The following INTS11 variants were observed in gnomAD, a reference collection of about 807,000 sequenced individuals.
The protein encoded by INTS11 is integrator complex subunit 11.
A neutral mutation model predicts 78.6 loss-of-function variants in INTS11; 77 were observed. The observed-to-expected ratio is 0.98, with a 90% CI of 0.81 to 1.18. The LOEUF is 1.18. Ranked by LOEUF, INTS11 falls within the 50% of genes most tolerant of loss-of-function variation. The pLI is 0.00. For synonymous variants in INTS11, 441 were observed against 326.9 expected (o/e 1.35, Z -3.77); for missense variants, 875 against 825.9 (o/e 1.06, Z -0.73).
chr1:1,312,639 G>A lies in INTS11; in HGVS notation c.1356C>T (p.Ile452=), dbSNP rs368882410. Residue 452 remains isoleucine (I), a synonymous_variant, in exon 13 of 17, where the codon ATC becomes ATT. Transcript: ENST00000435064. ...ETVTLPTSPS[I]PVGISLGLLK... ...GCAGCCCCAGCGAGATGCCTACGGG[G>A]ATGCTGGGGCTTGTGGGCAGCGTCA... The A allele has an allele frequency of 1.0e-5, 16 of 1,591,218 alleles. No homozygotes were observed. The highest frequency in any genetic ancestry group is 2.7e-5 in the African/African-American group (2 of 74,484).
chr1:1,312,198 T>TTGGG, intron 15 of INTS11, 28 bp downstream of exon 15: 49 of 1,078,592 alleles, frequency 4.5e-5, no homozygotes, highest in Middle Eastern at 3.1e-4. Flanking sequence ...CCCAAGGGAG[T>TTGGG]GGGGGGGGGG....
chr1:1,324,445 C>CCG (rs1046990833), intron 1 of INTS11, 136 bp downstream of exon 1: 20 of 871,740 alleles, frequency 2.3e-5, no homozygotes, highest in Non-Finnish European at 2.6e-5. Context: ...CCACCAGGGC[C>CCG]CGCGCGGGGA....
chr1:1,321,578 C>T (rs1330998184), intron 1 of INTS11, among the ~76,000 whole-genome samples: 2 of 152,226 alleles, frequency 1.3e-5, no homozygotes, highest in African/African-American at 4.8e-5. Context: ...TCTGGTGGTG[C>T]GGCTGTGGAG....
At chr1:1,322,785 G>A in intron 1 of INTS11, 1 of 664,662 alleles carries the variant, frequency 1.5e-6, no homozygotes, top group African/African-American at 1.9e-5. Context: ...CCAAGGCGTG[G>A]GAGTGACCCC....
chr1:1,312,556 C>T (rs1487127761), intron 13 of INTS11, 37 bp downstream of exon 13: 2 of 1,582,378 alleles, frequency 1.3e-6, no homozygotes, highest in Non-Finnish European at 1.7e-6. Context: ...AGCCGCCTGC[C>T]CCGAGCACCC....
Position 1,312,343 on chromosome 1 carries a change from T to C in INTS11, c.1490A>G (p.Gln497Arg). The C allele has an allele frequency of 1.3e-6, 2 of 1,561,844 alleles. No individual in the cohort carries two copies. Among genetic ancestry groups the C allele is most frequent in the Non-Finnish European group, 8.7e-7 (1 of 1,153,066 alleles). ...AGCCAGACCCAGCTCTTTGAGGGCTTGCTCTGAGGACACCAGCCGGAAGTT... is the reference window on the plus strand; with the variant it reads ...AGCCAGACCCAGCTCTTTGAGGGCTCGCTCTGAGGACACCAGCCGGAAGTT... ...DSNFRLVSSE[Q>R]ALKELGLAEH... Residue 497 changes from glutamine (Q) to arginine (R), a missense_variant, in exon 15 of 17, where the codon CAA becomes CGA. Gln to Arg is a conservative substitution (Grantham distance 43). Transcript: ENST00000435064.
At position 1,314,829 on chromosome 1, in the gene INTS11, C is replaced by A. The variant is rs142031612; in HGVS notation, c.697G>T (p.Gly233Trp). 5.2e-5 allele frequency: 84 copies of A among 1,610,984 alleles called. No individual in the cohort carries two copies. Among genetic ancestry groups the A allele is most frequent in the Non-Finnish European group, 1.2e-5 (14 of 1,178,486 alleles). ...CCCACCCCTGCTGCAGCTACCTTCC[C>A]ACCACGCTCCACGGTCTCGTGGACT... ...KKVHETVERG[G>W]KVLIPVFALG... The change falls in exon 7 of 17, where the codon GGG becomes TGG. Residue 233 changes from glycine to tryptophan, a missense_variant. Coordinates refer to ENST00000435064, the MANE Select transcript of INTS11 (RefSeq NM_017871.6). The surrounding 1 kb of genome is among the most constrained non-coding windows in gnomAD (Gnocchi z 4.2).
At chr1:1,316,989 A>G (rs1336999830) in intron 4 of INTS11, 1 of 152,046 alleles carries the variant, frequency 6.6e-6, no homozygotes, top group Non-Finnish European at 1.5e-5. Flanking sequence ...CAGTGGCGCA[A>G]TCATGGCTCA....
intron 10 of INTS11, 190 bp downstream of exon 10, chr1:1,313,319 C>G (rs529291826): frequency 1.1e-6 from 1 of 879,290 alleles, no homozygotes; most frequent in Admixed American, 2.1e-5. Context: ...GCTGTTCTGC[C>G]CGAGGTGGAC....
At chr1:1,324,376 C>T (rs936137346) in intron 1 of INTS11, among the ~76,000 whole-genome samples, 1 of 152,126 alleles carries the variant, frequency 6.6e-6, no homozygotes, top group African/African-American at 2.4e-5. Flanking sequence ...CCTCGGGGCT[C>T]GCGTTCTCGC....
At chr1:1,315,288 A>G in intron 6 of INTS11, 116 bp downstream of exon 6, 2 of 1,304,334 alleles carry the variant, frequency 1.5e-6, no homozygotes, top group Non-Finnish European at 2.2e-6. Flanking sequence ...TCCAGGCCGC[A>G]CAGGACATGG....
intron 5 of INTS11, 29 bp from the exon 6 acceptor site, chr1:1,315,467 A>T (rs763290182): frequency 6.2e-7 from 1 of 1,612,706 alleles, no homozygotes; most frequent in Non-Finnish European, 8.5e-7. Flanking sequence ...TGCCATGAGG[A>T]GGGTGCCTCC....
intron 1 of INTS11, among the ~76,000 whole-genome samples, chr1:1,321,479 A>C (rs1174524132): frequency 1.3e-5 from 2 of 152,250 alleles, no homozygotes; most frequent in East Asian, 3.8e-4. Flanking sequence ...GACCCCCAGC[A>C]GAGCTGCAAA....
chr1:1,313,689 C>G, intron 9 of INTS11, 43 bp downstream of exon 9: 1 of 1,609,854 alleles, frequency 6.2e-7, no homozygotes, highest in Non-Finnish European at 8.5e-7. Flanking sequence ...GACAGGAGAC[C>G]GACGGGTGTG....
At chr1:1,321,131 C>A (rs1404284388) in intron 1 of INTS11, 38 bp from the exon 2 acceptor site, 1 of 1,528,834 alleles carries the variant, frequency 6.5e-7, no homozygotes, top group African/African-American at 1.4e-5. Context: ...TGCTGCGCCC[C>A]CCGCCCCCTG....
intron 1 of INTS11, among the ~76,000 whole-genome samples, chr1:1,324,347 C>G (rs985205063): frequency 6.6e-6 from 1 of 152,132 alleles, no homozygotes; most frequent in Admixed American, 6.5e-5. Context: ...TCTGCGACGT[C>G]CCCTCACGGC....
chr1:1,313,467 G>A (rs755785536), intron 10 of INTS11, 42 bp downstream of exon 10: 58 of 1,605,156 alleles, frequency 3.6e-5, no homozygotes, highest in African/African-American at 6.7e-5. Flanking sequence ...ACAACCCGTC[G>A]GCCTCCAGCT....
intron 3 of INTS11, 89 bp from the exon 4 acceptor site, chr1:1,319,613 T>A: frequency 2.3e-6 from 2 of 862,272 alleles, no homozygotes; most frequent in Non-Finnish European, 3.5e-6. Flanking sequence ...GCCCCTTCAT[T>A]CGCCTGCTGT....
rs77183802 is a variant in INTS11 at position 1,311,713 on chromosome 1, G to A, written c.*146C>T. ...TTTCTTCAGCTGCAAACAGCTGCCTGGGCAGGCAGGTGACACAAGGCCTCT... is the reference window on the plus strand; with the variant it reads ...TTTCTTCAGCTGCAAACAGCTGCCTAGGCAGGCAGGTGACACAAGGCCTCT... On this transcript the variant is annotated 3_prime_UTR_variant, in exon 17 of 17. Transcript: ENST00000435064. 10,698 of 834,932 alleles carry A rather than the reference G, an allele frequency of 0.013. 769 individuals carry two copies. The African/African-American group carries it at 0.15, about 12-fold the overall frequency. 51.7% of individuals were successfully genotyped at this position (834,932 alleles called of 1,614,324 possible). A position where few individuals can be genotyped will look rare whatever the true frequency, so the allele number is the denominator to read the frequency against.
Sources: allele counts gnomAD v4.1 joint callset (sites outside exome capture counted in the v4.1 genomes callset), GRCh38; gene constraint gnomAD v4.1.1; non-coding constraint Gnocchi (gnomAD v3.1); transcripts MANE v1.5; gene names NCBI Gene and HGNC (gene_info 2026-07-23, HGNC 2026-07-21).